Variants in ACSS3 observed in about 807,000 individuals in gnomAD.
ACSS3 encodes the protein acyl-CoA synthetase short-chain family member 3, mitochondrial.
In ACSS3, 64 loss-of-function variants were observed where a neutral mutation model predicts 84.2. The ratio of observed to expected loss-of-function variants is 0.76; its 90% CI spans 0.62 to 0.94. The LOEUF is 0.94. ACSS3 is among the 40% of genes least tolerant of loss of function. The pLI, the probability that ACSS3 is intolerant of heterozygous loss-of-function variation, is 0.00. For synonymous variants in ACSS3, 317 were observed against 310.1 expected, an observed-to-expected ratio of 1.02 and a Z score of -0.23; for missense variants, 815 against 867.6, an observed-to-expected ratio of 0.94 and a Z score of 0.76.
chr12:81,255,088 T>G lies in ACSS3; in HGVS notation c.*166T>G, dbSNP rs1039010642. ...ATCTAATGAAAACATGTGAAAGACC[T>G]GTGCCTTTTTTTTGGTTTGACCCTG... On this transcript the variant is annotated 3_prime_UTR_variant, in exon 16 of 16. Coordinates refer to ENST00000548058, the MANE Select transcript of ACSS3 (RefSeq NM_024560.4). The G allele has an allele frequency of 5.1e-5, 32 of 623,948 alleles. No homozygotes were observed. The highest frequency in any genetic ancestry group is 6.1e-5 in the Non-Finnish European group (24 of 390,746). The allele number at this position is 623,948 out of a possible 1,614,324, so 38.7% of individuals were successfully genotyped here.
At chr12:81,113,493 A>G (rs1441618471) in intron 2 of ACSS3, among the ~76,000 whole-genome samples, 2 of 151,846 alleles carry the variant, frequency 1.3e-5, no homozygotes, top group African/African-American at 2.4e-5. Flanking sequence ...CTTACATTTT[A>G]TTTGTCTCTC....
At chr12:81,193,300 G>C (rs2031672215) in intron 8 of ACSS3, among the ~76,000 whole-genome samples, 1 of 151,950 alleles carries the variant, frequency 6.6e-6, no homozygotes, top group South Asian at 2.1e-4. Flanking sequence ...TGCTTGTTTG[G>C]TAGTTTATGG....
At position 81,256,210 on chromosome 12, in the gene ACSS3, C is replaced by G. The variant is rs1330606470; in HGVS notation, c.*1288C>G. ...AATATGGCCCAAAAAGGAGGCAGGTCTCCTGTTGCAAGAGCCTCTGTTTTT... is the reference window on the plus strand; with the variant it reads ...AATATGGCCCAAAAAGGAGGCAGGTGTCCTGTTGCAAGAGCCTCTGTTTTT... On this transcript the variant is annotated 3_prime_UTR_variant, in exon 16 of 16. Coordinates refer to ENST00000548058, the MANE Select transcript of ACSS3 (RefSeq NM_024560.4). 2.6e-5 allele frequency: 4 copies of G among 152,028 alleles called. No individual in the cohort carries two copies. The highest frequency in any genetic ancestry group is 1.3e-4 in the Admixed American group (2 of 15,260). 9.4% of individuals were successfully genotyped at this position (152,028 alleles called of 1,614,324 possible).
intron 9 of ACSS3, among the ~76,000 whole-genome samples, chr12:81,200,268 T>C (rs2135898717): frequency 6.6e-6 from 1 of 152,316 alleles, no homozygotes; most frequent in African/African-American, 2.4e-5. Context: ...TTTGACTCAC[T>C]GAAAGCAGCT....
Position 81,109,810 on chromosome 12 carries a change from T to C in ACSS3, c.456+106T>C, listed in dbSNP as rs917872281. On this transcript the variant is annotated intron_variant, in intron 2 of 15. Coordinates refer to ENST00000548058, the MANE Select transcript of ACSS3 (RefSeq NM_024560.4). ...TTCAATTCTCTAATGCATTGAAATA[T>C]GTTGCCATGCTTTTCTTTTGATACA... 3 of 956,514 alleles carry C rather than the reference T, an allele frequency of 3.1e-6. No individual in the cohort carries two copies. The African/African-American group carries it at 5.1e-5, about 16-fold the overall frequency. 59.3% of individuals were successfully genotyped at this position (956,514 alleles called of 1,614,324 possible).
chr12:81,090,822 T>C (rs944872054), intron 1 of ACSS3, among the ~76,000 whole-genome samples: 1 of 152,008 alleles, frequency 6.6e-6, no homozygotes, highest in Non-Finnish European at 1.5e-5. Flanking sequence ...AGGGAAATAC[T>C]TCACCTATGT....
At chr12:81,208,901 C>G (rs1315935040) in intron 9 of ACSS3, among the ~76,000 whole-genome samples, 1 of 152,090 alleles carries the variant, frequency 6.6e-6, no homozygotes, top group Non-Finnish European at 1.5e-5. Context: ...CCTCAACACT[C>G]CCTTTTCCCC....
At chr12:81,166,478 G>A (rs185041229) in intron 7 of ACSS3, among the ~76,000 whole-genome samples, 88 of 152,270 alleles carry the variant, frequency 5.8e-4, no homozygotes, top group Non-Finnish European at 9.8e-4. Context: ...AGAAACTTAG[G>A]AAATTCTTGA....
At chr12:81,111,685 GGTCTTTCTC>G (rs1236219042) in intron 2 of ACSS3, among the ~76,000 whole-genome samples, 1 of 152,114 alleles carries the variant, frequency 6.6e-6, no homozygotes, top group Non-Finnish European at 1.5e-5. Context: ...TGTCATACAG[GGTCTTTCTC>G]AGGGTATGGT....
chr12:81,201,393 C>T (rs951733821), intron 9 of ACSS3, among the ~76,000 whole-genome samples: 8 of 152,200 alleles, frequency 5.3e-5, no homozygotes, highest in African/African-American at 1.9e-4. Context: ...TGTGCCAAAA[C>T]TCACTGAAGA....
chr12:81,227,963 C>T lies in ACSS3; in HGVS notation c.1515-3094C>T, dbSNP rs113069356. On this transcript the variant is annotated intron_variant, in intron 11 of 15. Coordinates refer to ENST00000548058, the MANE Select transcript of ACSS3 (RefSeq NM_024560.4). Reference sequence around the variant, plus strand: ...ATGTGTCATATTTAATAGCAATCACCTCTGTAATCCAAAGGGAACCAGCTA... The same window carrying T: ...ATGTGTCATATTTAATAGCAATCACTTCTGTAATCCAAAGGGAACCAGCTA... Among the ~76,000 whole-genome samples the T allele has an allele frequency of 4.0e-3, 610 of 151,916 alleles. 3 individuals are homozygous for T. Among genetic ancestry groups the T allele is most frequent in the African/African-American group, 0.012 (482 of 41,478 alleles).
chr12:81,127,778 T>C (rs73149270), intron 2 of ACSS3, among the ~76,000 whole-genome samples: 45 of 152,300 alleles, frequency 3.0e-4, no homozygotes, highest in East Asian at 1.2e-3. Context: ...ATTTGGAAAC[T>C]AGGGAACTAT....
intron 7 of ACSS3, among the ~76,000 whole-genome samples, chr12:81,168,273 C>T (rs1441497102): frequency 6.6e-6 from 1 of 152,160 alleles, no homozygotes; most frequent in Non-Finnish European, 1.5e-5. Flanking sequence ...CAAGCTGTTT[C>T]TGAGACCAGT....
At chr12:81,254,728 A>G in intron 15 of ACSS3, 129 bp from the exon 16 acceptor site, 1 of 681,094 alleles carries the variant, frequency 1.5e-6, no homozygotes, top group East Asian at 3.0e-5. Flanking sequence ...AAAGTTCCCT[A>G]TTTTTAAACT....
In ACSS3 at chr12:81,174,735, A is replaced by T. The variant is rs1048906240; in HGVS notation, c.1099-53A>T. 4.9e-5 allele frequency: 77 copies of T among 1,563,876 alleles called. No homozygotes were observed. In the Admixed American group the frequency reaches 1.3e-3, roughly 27 times the overall value. On this transcript the variant is annotated intron_variant, in intron 7 of 15. Coordinates refer to ENST00000548058, the MANE Select transcript of ACSS3 (RefSeq NM_024560.4). The stretch of plus-strand genomic sequence containing the variant: ...TTAAATGTATAACTATTGAACTGTC[A>T]GTGAAATATGACACATTTTATCCAG...
rs199987577 is a variant in ACSS3, at chr12:81,107,509, T to TACACAC, written c.312-2048_312-2047insCACACA. Among the ~76,000 whole-genome samples the TACACAC allele has an allele frequency of 1.5e-3, 44 of 29,956 alleles. 1 individual carries two copies. The highest frequency in any genetic ancestry group is 6.4e-3 in the Admixed American group (17 of 2,636). The allele number at this position is 29,956 out of a possible 152,430, so 19.7% of individuals were successfully genotyped here. On this transcript the variant is annotated intron_variant, in intron 1 of 15. Transcript: ENST00000548058. ...GTTTTTTTTTTCAGGTACAAATATA[T>TACACAC]ACATATATATATATATATATATATA...
chr12:81,239,198 CATT>C (rs1448842649), intron 13 of ACSS3, among the ~76,000 whole-genome samples: 1 of 151,632 alleles, frequency 6.6e-6, no homozygotes, highest in Non-Finnish European at 1.5e-5. Context: ...AGTTTAATTC[CATT>C]ATTACCTCAG....
intron 2 of ACSS3, among the ~76,000 whole-genome samples, chr12:81,127,024 T>A (rs1885146907): frequency 6.6e-6 from 1 of 151,774 alleles, no homozygotes; most frequent in African/African-American, 2.4e-5. Flanking sequence ...AGTATTCCTC[T>A]GTGTTTTAGA....
intron 9 of ACSS3, among the ~76,000 whole-genome samples, chr12:81,214,072 C>G (rs1314892876): frequency 6.7e-6 from 1 of 150,334 alleles, no homozygotes; most frequent in Non-Finnish European, 1.5e-5. Context: ...GTCACCCAGG[C>G]TGGAGTGCAG....
Sources: allele counts gnomAD v4.1 joint callset (sites outside exome capture counted in the v4.1 genomes callset), GRCh38; gene constraint gnomAD v4.1.1; transcripts MANE v1.5; gene names NCBI Gene and HGNC (gene_info 2026-07-23, HGNC 2026-07-21).